Variants in C17orf99 observed in about 807,000 individuals in gnomAD.
C17orf99 encodes the protein protein IL-40.
In C17orf99, 18 loss-of-function variants were observed where a neutral mutation model predicts 22.6. That is an observed-to-expected ratio of 0.80 (90% CI 0.55 to 1.18). The LOEUF is 1.18. Among genes scored for constraint, C17orf99 ranks in the 50% most tolerant of loss-of-function variants. The pLI is 0.00. For synonymous variants in C17orf99, 147 were observed against 136.6 expected, an observed-to-expected ratio of 1.08 and a Z score of -0.53; for missense variants, 328 against 342.7, an observed-to-expected ratio of 0.96 and a Z score of 0.34.
chr17:78,157,683 G>C (rs1440160166), intron 2 of C17orf99: 2 of 437,964 alleles, frequency 4.6e-6, no homozygotes, highest in East Asian at 1.1e-4. Context: ...TGTAGTCCCA[G>C]CTACTCTGGA....
At position 78,146,961 on chromosome 17, in the gene C17orf99, G is replaced by A; in HGVS notation, c.70+50G>A. 1 of 1,515,996 alleles carries A rather than the reference G, an allele frequency of 6.6e-7. No homozygotes were observed. Among genetic ancestry groups the A allele is most frequent in the Admixed American group, 2.0e-5 (1 of 50,930 alleles). The allele number at this position is 1,515,996 out of a possible 1,614,324, so 93.9% of individuals were successfully genotyped here. On this transcript the variant is annotated intron_variant, in intron 2 of 4. Coordinates refer to ENST00000340363, the MANE Select transcript of C17orf99 (RefSeq NM_001163075.2). This position sits in a 1 kb window ranked among gnomAD's most constrained non-coding sequence, Gnocchi z 5.2. ...GAGAAGTCCCCCAGCTGGGACCCTG[G>A]TGTCAGAACCCCCATGGTGGAGGGC...
intron 2 of C17orf99, 137 bp downstream of exon 2, chr17:78,147,048 C>G: frequency 1.3e-6 from 1 of 756,772 alleles, no homozygotes; most frequent in Non-Finnish European, 2.3e-6. Flanking sequence ...CTGGACAGTT[C>G]TGGAACACTC....
chr17:78,164,310 C>A lies in C17orf99; in HGVS notation c.586C>A (p.Gln196Lys). ...CCAGACATCGGACTGGTTCTGGTGC[C>A]AGGCTGCAAACAACGCCAATGTCCA... ...PSQTSDWFWCQAANNANVQHS... is the reference protein window; with the variant it reads ...PSQTSDWFWCKAANNANVQHS... Residue 196 changes from glutamine to lysine, a missense_variant, in exon 4 of 5, where the codon CAG becomes AAG. By Grantham distance (53) the Gln-to-Lys change is moderately conservative. Coordinates refer to ENST00000340363, the MANE Select transcript of C17orf99 (RefSeq NM_001163075.2). The A allele has an allele frequency of 1.9e-6, 3 of 1,551,608 alleles. No homozygotes were observed. Among genetic ancestry groups the A allele is most frequent in the Non-Finnish European group, 2.6e-6 (3 of 1,147,008 alleles).
chr17:78,166,024 G>A lies in C17orf99; in HGVS notation c.776G>A (p.Gly259Glu). Reference sequence around the variant, plus strand: ...AGGATAGGGAATGGGGAGGTCAGAGGACGCAAAGCAGCAGCCATGTAGAAT... The same window carrying A: ...AGGATAGGGAATGGGGAGGTCAGAGAACGCAAAGCAGCAGCCATGTAGAAT... ...GFRIGNGEVR[G>E]RKAAAM Residue 259 changes from glycine to glutamate, a missense_variant, in exon 5 of 5, where the codon GGA becomes GAA. Physicochemically the swap from Gly to Glu is moderately conservative, Grantham distance 98. Transcript: ENST00000340363. 7.1e-7 allele frequency: 1 copy of A among 1,411,210 alleles called. No individual in the cohort carries two copies. The highest frequency in any genetic ancestry group is 9.4e-7 in the Non-Finnish European group (1 of 1,060,932). 87.4% of individuals were successfully genotyped at this position (1,411,210 alleles called of 1,614,324 possible). A position where few individuals can be genotyped will look rare whatever the true frequency, so the allele number is the denominator to read the frequency against.
chr17:78,159,065 C>T (rs1351508394), intron 2 of C17orf99: 5 of 160,912 alleles, frequency 3.1e-5, no homozygotes, highest in Admixed American at 6.5e-5. Context: ...GGGCTTTACC[C>T]TTCCCTGCAG....
At chr17:78,163,984 C>T (rs959427117) in intron 3 of C17orf99, 111 bp from the exon 4 acceptor site, 29 of 947,428 alleles carry the variant, frequency 3.1e-5, no homozygotes, top group Non-Finnish European at 4.3e-5. Flanking sequence ...CTGGAGGAGG[C>T]GGCAGCCACA....
intron 2 of C17orf99, among the ~76,000 whole-genome samples, chr17:78,157,084 C>A (rs562334394): frequency 1.3e-5 from 2 of 152,172 alleles, no homozygotes; most frequent in African/African-American, 4.8e-5. Flanking sequence ...AATGCCAGTA[C>A]TTTGGGAGGC....
At chr17:78,161,597 A>C (rs2075577106) in intron 3 of C17orf99, among the ~76,000 whole-genome samples, 1 of 152,140 alleles carries the variant, frequency 6.6e-6, no homozygotes, top group African/African-American at 2.4e-5. Context: ...AAATCCCAGC[A>C]CTGTGGGAGG....
At chr17:78,155,878 C>T (rs961911811) in intron 2 of C17orf99, among the ~76,000 whole-genome samples, 12 of 151,786 alleles carry the variant, frequency 7.9e-5, no homozygotes, top group African/African-American at 2.4e-4. Context: ...CCACCTGCCT[C>T]GGCCTCACAG....
At chr17:78,158,081 C>A in intron 2 of C17orf99, 1 of 1,052,220 alleles carries the variant, frequency 9.5e-7, no homozygotes, top group South Asian at 1.2e-5. Context: ...AGAGGACTTT[C>A]GTCTGCATGA....
chr17:78,156,560 G>A (rs897795229), intron 2 of C17orf99, among the ~76,000 whole-genome samples: 25 of 152,034 alleles, frequency 1.6e-4, no homozygotes, highest in Non-Finnish European at 2.5e-4. Context: ...TTTGGGTGCC[G>A]TGAGCAGGCT....
At chr17:78,149,674 C>T (rs1288972796) in intron 2 of C17orf99, among the ~76,000 whole-genome samples, 1 of 152,086 alleles carries the variant, frequency 6.6e-6, no homozygotes, top group Non-Finnish European at 1.5e-5. Flanking sequence ...CCTGGGACTA[C>T]AGGCACACGC....
At chr17:78,160,669 C>T (rs992370865) in intron 2 of C17orf99, 13 of 377,668 alleles carry the variant, frequency 3.4e-5, no homozygotes, top group Non-Finnish European at 6.3e-5. Flanking sequence ...CTGCCACCTC[C>T]GCCTTCCTGG....
Position 78,160,959 on chromosome 17 carries a change from T to A in C17orf99, c.75T>A (p.Ile25=). 1 of 1,548,146 alleles carries A rather than the reference T, an allele frequency of 6.5e-7. No homozygotes were observed. Among genetic ancestry groups the A allele is most frequent in the Non-Finnish European group, 8.7e-7 (1 of 1,144,248 alleles). ...SSFSKAREEE[I]TPVVSIAYKV... ...TTGGACCTTTTCATCTCCCAGAAAT[T>A]ACCCCTGTGGTCTCCATTGCCTACA... is the stretch of plus-strand genomic sequence containing the variant. Residue 25 remains isoleucine (I), a synonymous_variant, in exon 3 of 5, where the codon ATT becomes ATA. Coordinates refer to ENST00000340363, the MANE Select transcript of C17orf99 (RefSeq NM_001163075.2).
At position 78,164,245 on chromosome 17, in the gene C17orf99, C is replaced by T. The variant is rs1250609007; in HGVS notation, c.521C>T (p.Pro174Leu). Residue 174 changes from proline (P) to leucine (L), a missense_variant, in exon 4 of 5, where the codon CCA becomes CTA. Coordinates refer to ENST00000340363, the MANE Select transcript of C17orf99 (RefSeq NM_001163075.2). The part of the protein sequence containing the change: ...KDGQVHLQQR[P>L]CHRQPANFSF... ...GGGCAGGTCCACCTGCAGCAGAGACCATGCCACAGGCAGCCTGCCAACTTC... is the reference window on the plus strand; with the variant it reads ...GGGCAGGTCCACCTGCAGCAGAGACTATGCCACAGGCAGCCTGCCAACTTC... 7 of 1,551,582 alleles carry T rather than the reference C, an allele frequency of 4.5e-6. No individual in the cohort carries two copies. The South Asian group carries it at 5.9e-5, about 13-fold the overall frequency.
At chr17:78,163,994 A>C in intron 3 of C17orf99, 101 bp from the exon 4 acceptor site, 1 of 1,073,478 alleles carries the variant, frequency 9.3e-7, no homozygotes, top group Non-Finnish European at 1.4e-6. Context: ...CGGCAGCCAC[A>C]GCTAAGCTCA....
intron 2 of C17orf99, among the ~76,000 whole-genome samples, chr17:78,153,492 G>GA (rs5822231): frequency 0.19 from 27,986 of 148,286 alleles, 4,190 homozygotes; most frequent in East Asian, 0.46. Flanking sequence ...CTCAAAAAAA[G>GA]AAAAAAAAAA....
intron 2 of C17orf99, among the ~76,000 whole-genome samples, chr17:78,159,315 C>A (rs532612187): frequency 6.6e-6 from 1 of 151,878 alleles, no homozygotes; most frequent in Admixed American, 6.6e-5. Flanking sequence ...CCATTCTGGA[C>A]GACAGAGCAA....
At chr17:78,157,306 G>C (rs889694780) in intron 2 of C17orf99, 36 of 441,702 alleles carry the variant, frequency 8.2e-5, no homozygotes, top group Non-Finnish European at 9.7e-5. Flanking sequence ...TCAGGTGCCT[G>C]CGTACTAAGA....
Sources: gnomAD v4.1 joint callset for allele counts (sites outside exome capture counted in the v4.1 genomes callset) on GRCh38, gnomAD v4.1.1 for gene constraint, Gnocchi (gnomAD v3.1) non-coding constraint, MANE v1.5 for transcripts, NCBI Gene and HGNC (gene_info 2026-07-23, HGNC 2026-07-21) for gene names.